PTTG1IP: variants seen among roughly 807,000 people sequenced by gnomAD.
PTTG1IP encodes the protein PTTG1 interacting protein.
In PTTG1IP, 16 loss-of-function variants were observed where a neutral mutation model predicts 24.4. That is an observed-to-expected ratio of 0.66 (90% CI 0.44 to 1.00). PTTG1IP has a LOEUF of 1.00. Ranked by LOEUF, PTTG1IP falls within the 50% of genes least tolerant of loss-of-function variation. PTTG1IP has a pLI of 0.00. For missense variants in PTTG1IP, 241 were observed against 245.8 expected, an observed-to-expected ratio of 0.98 and a Z score of 0.13; for synonymous variants, 89 against 96.8, an observed-to-expected ratio of 0.92 and a Z score of 0.47.
At chr21:44,851,919 C>T (rs2083414147) in intron 5 of PTTG1IP, among the ~76,000 whole-genome samples, 1 of 152,214 alleles carries the variant, frequency 6.6e-6, no homozygotes, top group Admixed American at 6.5e-5. Context: ...TTTCTTTCCA[C>T]AGTGGTTGGC....
intron 2 of PTTG1IP, among the ~76,000 whole-genome samples, chr21:44,865,004 T>C (rs1384258188): frequency 1.3e-5 from 2 of 152,182 alleles, no homozygotes; most frequent in Non-Finnish European, 2.9e-5. Context: ...CTTCCAATCC[T>C]GTGTGAGCAG....
intron 1 of PTTG1IP, among the ~76,000 whole-genome samples, chr21:44,872,350 A>G (rs772856016): frequency 2.0e-5 from 3 of 152,266 alleles, no homozygotes; most frequent in Non-Finnish European, 4.4e-5. Flanking sequence ...TAAACATTCC[A>G]TAAGGTCACA....
Position 44,861,222 on chromosome 21 carries a change from C to T in PTTG1IP, c.218G>A (p.Ser73Asn), listed in dbSNP as rs2146461704. The change falls in exon 3 of 6, where the codon AGC becomes AAC. Residue 73 changes from serine to asparagine, a missense_variant. Coordinates refer to ENST00000330938, the MANE Select transcript of PTTG1IP (RefSeq NM_004339.4). Reference sequence around the variant, plus strand: ...ACAAAGGGAAGCCGGTGGCAAGACGCTTGTAACTGGGTAGTCCAGACAAGC... The same window carrying T: ...ACAAAGGGAAGCCGGTGGCAAGACGTTTGTAACTGGGTAGTCCAGACAAGC... ...NKACLDYPVTSVLPPASLCKL... is the reference protein window; with the variant it reads ...NKACLDYPVTNVLPPASLCKL... 6.2e-7 allele frequency: 1 copy of T among 1,614,194 alleles called. No individual in the cohort carries two copies. Among genetic ancestry groups the T allele is most frequent in the Non-Finnish European group, 8.5e-7 (1 of 1,180,008 alleles).
chr21:44,868,141 G>A (rs773231067), intron 1 of PTTG1IP, among the ~76,000 whole-genome samples: 2 of 152,180 alleles, frequency 1.3e-5, no homozygotes, highest in Admixed American at 6.5e-5. Context: ...CCAGTGAAAA[G>A]CCTTAATTTC....
intron 1 of PTTG1IP, among the ~76,000 whole-genome samples, chr21:44,873,276 A>T (rs2083605338): frequency 6.6e-6 from 1 of 152,168 alleles, no homozygotes. Context: ...AAAGACAAAG[A>T]CAAAGACGGC....
intron 5 of PTTG1IP, among the ~76,000 whole-genome samples, chr21:44,854,349 G>A (rs777201063): frequency 2.6e-5 from 4 of 152,218 alleles, no homozygotes; most frequent in South Asian, 2.1e-4. Flanking sequence ...CACCGTGGGC[G>A]CAGGACGACA....
chr21:44,870,805 T>C (rs2146475185), intron 1 of PTTG1IP, among the ~76,000 whole-genome samples: 1 of 152,310 alleles, frequency 6.6e-6, no homozygotes, highest in South Asian at 2.1e-4. Flanking sequence ...TTTCCGAAAT[T>C]AAAGGAAAAA....
intron 2 of PTTG1IP, among the ~76,000 whole-genome samples, chr21:44,865,059 C>A (rs535061851): frequency 6.6e-6 from 1 of 152,186 alleles, no homozygotes. Context: ...TGGGAAAACA[C>A]GGGCTCACAA....
chr21:44,861,292 G>T, intron 2 of PTTG1IP, 21 bp from the exon 3 acceptor site: 1 of 1,584,304 alleles, frequency 6.3e-7, no homozygotes, highest in Non-Finnish European at 8.7e-7. Context: ...CCAACATTAA[G>T]CAAGCATTAG....
chr21:44,856,169 C>T (rs1450447297), intron 4 of PTTG1IP, 24 bp downstream of exon 4: 1 of 1,614,008 alleles, frequency 6.2e-7, no homozygotes, highest in South Asian at 1.1e-5. Context: ...GTAACCTTCC[C>T]AGCGGGCATC....
chr21:44,858,643 G>C (rs551339982), intron 3 of PTTG1IP, among the ~76,000 whole-genome samples: 3 of 152,232 alleles, frequency 2.0e-5, no homozygotes, highest in Non-Finnish European at 4.4e-5. Flanking sequence ...CACTGTGACT[G>C]TGACTAGTCA....
intron 2 of PTTG1IP, 39 bp downstream of exon 2, chr21:44,865,356 C>G: frequency 6.2e-7 from 1 of 1,603,018 alleles, no homozygotes; most frequent in African/African-American, 1.3e-5. Context: ...TTTGGACGGT[C>G]TGGACGGCAC....
chr21:44,866,873 A>G (rs57064200), intron 1 of PTTG1IP, among the ~76,000 whole-genome samples: 16,075 of 152,300 alleles, frequency 0.11, 1,364 homozygotes, highest in East Asian at 0.4. Flanking sequence ...ACTCTCACAC[A>G]GTGTTGGTGG....
Position 44,873,687 on chromosome 21 carries a change from G to A in PTTG1IP, c.-71C>T, listed in dbSNP as rs959240667. Reference sequence around the variant, plus strand: ...CTCCAGCACAAGCGGTCTCCGCCCGGAACAGCCGCGGCGCCGGAAGTGGAC... The same window carrying A: ...CTCCAGCACAAGCGGTCTCCGCCCGAAACAGCCGCGGCGCCGGAAGTGGAC... On this transcript the variant is annotated 5_prime_UTR_variant, in exon 1 of 6. Coordinates refer to ENST00000330938, the MANE Select transcript of PTTG1IP (RefSeq NM_004339.4). 4 of 1,284,242 alleles carry A rather than the reference G, an allele frequency of 3.1e-6. No homozygotes were observed. Among genetic ancestry groups the A allele is most frequent in the Non-Finnish European group, 3.9e-6 (4 of 1,012,888 alleles). The allele number at this position is 1,284,242 out of a possible 1,614,324, so 79.6% of individuals were successfully genotyped here.
rs1569319900 is a variant in PTTG1IP, at chr21:44,851,491, A to T, written c.*90T>A. 1.2e-6 allele frequency: 2 copies of T among 1,613,462 alleles called. No individual in the cohort carries two copies. The highest frequency in any genetic ancestry group is 1.7e-6 in the Non-Finnish European group (2 of 1,179,982). ...GGCAGGTTCACTGGCCAAGGTCAGG[A>T]GACCGCAATGGCCACGTGGTCTCCC... On this transcript the variant is annotated 3_prime_UTR_variant, in exon 6 of 6. Coordinates refer to ENST00000330938, the MANE Select transcript of PTTG1IP (RefSeq NM_004339.4).
intron 1 of PTTG1IP, among the ~76,000 whole-genome samples, chr21:44,866,999 G>A (rs1055375246): frequency 5.9e-5 from 9 of 152,144 alleles, no homozygotes; most frequent in African/African-American, 2.2e-4. Flanking sequence ...GAGAGAAGGC[G>A]CCTGCATCCA....
intron 1 of PTTG1IP, among the ~76,000 whole-genome samples, chr21:44,872,095 C>T (rs1404127936): frequency 6.6e-6 from 1 of 152,218 alleles, no homozygotes; most frequent in Non-Finnish European, 1.5e-5. Context: ...CAAGCAAACA[C>T]ACCCCCGAGC....
chr21:44,863,162 A>G (rs939086960), intron 2 of PTTG1IP, among the ~76,000 whole-genome samples: 3 of 146,622 alleles, frequency 2.0e-5, no homozygotes, highest in Admixed American at 6.8e-5. Context: ...GCAGAGACAC[A>G]GCCCACCACG....
chr21:44,873,403 C>A, intron 1 of PTTG1IP, 99 bp downstream of exon 1: 2 of 1,129,564 alleles, frequency 1.8e-6, no homozygotes, highest in Non-Finnish European at 2.2e-6. Flanking sequence ...GGCCGCCCGC[C>A]GAGCCCAGCG....
Sources: allele counts gnomAD v4.1 joint callset (sites outside exome capture counted in the v4.1 genomes callset), GRCh38; gene constraint gnomAD v4.1.1; transcripts MANE v1.5; gene names NCBI Gene and HGNC (gene_info 2026-07-23, HGNC 2026-07-21).